Variants in DCAF8L2 observed in about 807,000 individuals in gnomAD.
DCAF8L2 encodes the protein DDB1 and CUL4 associated factor 8 like 2, also known as DDB1- and CUL4-associated factor 8-like protein 2.
For synonymous variants in DCAF8L2, 200 were observed against 190.9 expected, an observed-to-expected ratio of 1.05 and a Z score of -0.39; for missense variants, 430 against 490.7, an observed-to-expected ratio of 0.88 and a Z score of 1.17.
At chrX:27,746,598 C>CA (rs1395335474) in intron 4 of DCAF8L2, among the ~76,000 whole-genome samples, 1 of 111,815 alleles carries the variant, frequency 8.9e-6, no homozygotes, top group African/African-American at 3.3e-5. Flanking sequence ...CGCAGCTACT[C>CA]ACAGTGTAAG....
the DCAF8L2 span, among the ~76,000 whole-genome samples, chrX:27,524,161 G>T: frequency 9.0e-6 from 1 of 111,344 alleles, no homozygotes; most frequent in Non-Finnish European, 1.9e-5. Context: ...TCTGGTCCTG[G>T]ACTTTTTTTG....
chrX:27,552,836 A>G, the DCAF8L2 span, among the ~76,000 whole-genome samples: 1 of 111,913 alleles, frequency 8.9e-6, no homozygotes, highest in East Asian at 2.8e-4. Flanking sequence ...TTGATTGAAA[A>G]TGCATTTAGT....
chrX:27,645,215 A>G (rs1256508530), intron 2 of DCAF8L2, among the ~76,000 whole-genome samples: 1 of 112,179 alleles, frequency 8.9e-6, no homozygotes, highest in Non-Finnish European at 1.9e-5. Context: ...CAAAAACCTT[A>G]TCCACCACTA....
intron 2 of DCAF8L2, among the ~76,000 whole-genome samples, chrX:27,634,277 A>T (rs1012983306): frequency 2.7e-5 from 3 of 111,517 alleles, no homozygotes; most frequent in African/African-American, 9.8e-5. Flanking sequence ...AACCTGTTCT[A>T]TTTACCCATA....
At chrX:27,557,137 G>T in the DCAF8L2 span, among the ~76,000 whole-genome samples, 1 of 112,074 alleles carries the variant, frequency 8.9e-6, no homozygotes, top group African/African-American at 3.2e-5. Context: ...CAGGTAAAAG[G>T]AGTAGAAAAT....
At chrX:27,651,361 T>G (rs1929141329) in intron 2 of DCAF8L2, among the ~76,000 whole-genome samples, 1 of 111,059 alleles carries the variant, frequency 9.0e-6, no homozygotes, top group African/African-American at 3.3e-5. Flanking sequence ...TAAGAATTTG[T>G]GATTTTTCAT....
At chrX:27,661,483 A>C (rs754693489) in intron 2 of DCAF8L2, among the ~76,000 whole-genome samples, 2 of 111,433 alleles carry the variant, frequency 1.8e-5, no homozygotes, top group South Asian at 7.7e-4. Context: ...GCCACCTTGA[A>C]GACCTCTCAG....
the DCAF8L2 span, among the ~76,000 whole-genome samples, chrX:27,500,577 A>T: frequency 8.9e-6 from 1 of 111,817 alleles, no homozygotes; most frequent in African/African-American, 3.2e-5. Flanking sequence ...AATTCAATAT[A>T]TTTCCCTGGG....
the DCAF8L2 span, chrX:27,518,680 A>C: frequency 4.9e-6 from 1 of 205,089 alleles, no homozygotes; most frequent in Admixed American, 6.9e-5. Context: ...TGGAGGTTGC[A>C]GTGAGTCGAG....
the DCAF8L2 span, among the ~76,000 whole-genome samples, chrX:27,515,715 A>G: frequency 1.8e-5 from 2 of 112,370 alleles, no homozygotes; most frequent in Non-Finnish European, 3.8e-5. Context: ...AGTGCACATA[A>G]TTCAAAATGA....
chrX:27,670,567 A>G (rs1184423060), intron 2 of DCAF8L2, among the ~76,000 whole-genome samples: 1 of 111,691 alleles, frequency 9.0e-6, no homozygotes, highest in Non-Finnish European at 1.9e-5. Context: ...CGTTTAAAGA[A>G]TATCAAGGAA....
At chrX:27,587,810 G>A (rs1925932159), upstream of DCAF8L2, among the ~76,000 whole-genome samples, 1 of 108,931 alleles carries the variant, frequency 9.2e-6, no homozygotes, top group Admixed American at 9.9e-5. Flanking sequence ...TGTTACTAAG[G>A]GCAGTGGATA....
At chrX:27,662,477 T>A (rs1929592832) in intron 2 of DCAF8L2, among the ~76,000 whole-genome samples, 1 of 111,896 alleles carries the variant, frequency 8.9e-6, no homozygotes. Context: ...GAGATAACAT[T>A]ATCCACTTTC....
At chrX:27,524,042 A>G in the DCAF8L2 span, among the ~76,000 whole-genome samples, 4 of 112,066 alleles carry the variant, frequency 3.6e-5, no homozygotes, top group African/African-American at 1.3e-4. Flanking sequence ...TGCTGGCCTC[A>G]TTAAATGAGT....
chrX:27,522,147 C>T, the DCAF8L2 span, among the ~76,000 whole-genome samples: 1 of 111,870 alleles, frequency 8.9e-6, no homozygotes, highest in African/African-American at 3.3e-5. Flanking sequence ...CCTGCCTCAA[C>T]CTCCCGAGTA....
intron 4 of DCAF8L2, among the ~76,000 whole-genome samples, chrX:27,742,226 G>A (rs1321580196): frequency 9.0e-6 from 1 of 111,367 alleles, no homozygotes; most frequent in East Asian, 2.8e-4. Context: ...CCGTCAAAAT[G>A]CATATGCCAT....
At chrX:27,746,560 G>A (rs1922172553) in intron 4 of DCAF8L2, among the ~76,000 whole-genome samples, 1 of 111,467 alleles carries the variant, frequency 9.0e-6, no homozygotes, top group Middle Eastern at 4.6e-3. Flanking sequence ...ATTTTCCAAG[G>A]TGCAGCAAGT....
intron 1 of DCAF8L2, among the ~76,000 whole-genome samples, chrX:27,622,936 T>G (rs1927847121): frequency 8.9e-6 from 1 of 111,795 alleles, no homozygotes; most frequent in African/African-American, 3.2e-5. Context: ...TATATTGTAG[T>G]CCACCATAAA....
intron 4 of DCAF8L2, among the ~76,000 whole-genome samples, chrX:27,746,184 A>G (rs1922152730): frequency 8.9e-6 from 1 of 112,145 alleles, no homozygotes; most frequent in Non-Finnish European, 1.9e-5. Flanking sequence ...TTTGAATTTC[A>G]GATAAATAAT....
Sources: gnomAD v4.1 joint callset for allele counts (sites outside exome capture counted in the v4.1 genomes callset) on GRCh38, gnomAD v4.1.1 for gene constraint, MANE v1.5 for transcripts, NCBI Gene and HGNC (gene_info 2026-07-23, HGNC 2026-07-21) for gene names.